The following GRID2 variants were observed in gnomAD, a reference collection of about 807,000 sequenced individuals.
GRID2 encodes the protein glutamate receptor ionotropic, delta-2.
A neutral mutation model predicts 114.8 loss-of-function variants in GRID2; 33 were observed. The ratio of observed to expected loss-of-function variants is 0.29; its 90% CI spans 0.22 to 0.38. The LOEUF (loss-of-function observed/expected upper bound fraction) is 0.38, where lower values mean the gene tolerates loss of function less well. Ranked by LOEUF, GRID2 falls within the 10% of genes least tolerant of loss-of-function variation. The pLI, the probability that GRID2 is intolerant of heterozygous loss-of-function variation, is 1.00. For synonymous variants in GRID2, 505 were observed against 449.9 expected, an observed-to-expected ratio of 1.12 and a Z score of -1.55; for missense variants, 1,184 against 1,257.7, an observed-to-expected ratio of 0.94 and a Z score of 0.89.
intron 4 of GRID2, among the ~76,000 whole-genome samples, chr4:93,198,855 A>G (rs1741783552): frequency 6.6e-6 from 1 of 152,142 alleles, no homozygotes; most frequent in African/African-American, 2.4e-5. Flanking sequence ...ATTGGCTTCA[A>G]GATAGCAAGA....
chr4:93,189,838 C>A (rs964275941), intron 4 of GRID2, among the ~76,000 whole-genome samples: 6 of 142,228 alleles, frequency 4.2e-5, no homozygotes, highest in Non-Finnish European at 6.2e-5. Flanking sequence ...AAAAAAAAAA[C>A]AAACTTCAGA....
At chr4:92,957,528 A>G (rs972617313) in intron 2 of GRID2, among the ~76,000 whole-genome samples, 1 of 152,024 alleles carries the variant, frequency 6.6e-6, no homozygotes, top group Non-Finnish European at 1.5e-5. Flanking sequence ...TCTCTTACCA[A>G]TACCACACTC....
intron 12 of GRID2, among the ~76,000 whole-genome samples, chr4:93,511,378 A>C (rs1040216080): frequency 1.3e-5 from 2 of 152,220 alleles, no homozygotes; most frequent in African/African-American, 4.8e-5. Flanking sequence ...TGTACTGTTC[A>C]TACAAATAAC....
In GRID2 at chr4:92,938,659, A is replaced by G. The variant is rs191607241; in HGVS notation, c.245-146336A>G. 5.5e-3 allele frequency among the ~76,000 whole-genome samples: 809 copies of G among 146,184 alleles called. 24 individuals are homozygous for G. Among genetic ancestry groups the G allele is most frequent in the African/African-American group, 0.019 (771 of 41,148 alleles). On this transcript the variant is annotated intron_variant, in intron 2 of 15. Transcript: ENST00000282020. The stretch of plus-strand genomic sequence containing the variant: ...TACATGTACCATGTTGGCGTGCTGA[A>G]TCCATTAACTCCTCATTTAGCCTTA...
At chr4:93,298,064 G>C (rs1373872931) in intron 8 of GRID2, among the ~76,000 whole-genome samples, 1 of 152,142 alleles carries the variant, frequency 6.6e-6, no homozygotes, top group Non-Finnish European at 1.5e-5. Context: ...TTTAAAAGCA[G>C]TATGTTTAAT....
At chr4:93,233,488 G>T (rs563130792) in intron 7 of GRID2, among the ~76,000 whole-genome samples, 18 of 151,610 alleles carry the variant, frequency 1.2e-4, no homozygotes, top group African/African-American at 2.7e-4. Context: ...GATTACAGGC[G>T]CGCACCACCA....
rs147675096 is a variant in GRID2 at position 92,974,102 on chromosome 4, G to A, written c.245-110893G>A. On this transcript the variant is annotated intron_variant, in intron 2 of 15. Coordinates refer to ENST00000282020, the MANE Select transcript of GRID2 (RefSeq NM_001510.4). The stretch of plus-strand genomic sequence containing the variant: ...TAGGAAAAAATGCTCATCATCACTG[G>A]TCATTGGAGAAATGCAAATCAAAAC... Among the ~76,000 whole-genome samples the A allele has an allele frequency of 2.7e-3, 417 of 152,250 alleles. 1 individual carries two copies. Among genetic ancestry groups the A allele is most frequent in the Non-Finnish European group, 3.8e-3 (259 of 68,020 alleles).
intron 1 of GRID2, among the ~76,000 whole-genome samples, chr4:92,568,139 G>A (rs978418336): frequency 3.3e-5 from 5 of 151,930 alleles, no homozygotes; most frequent in African/African-American, 9.7e-5. Context: ...AAGAGAAGGA[G>A]CATTACAACT....
intron 7 of GRID2, among the ~76,000 whole-genome samples, chr4:93,231,473 A>C (rs556162152): frequency 6.6e-6 from 1 of 152,126 alleles, no homozygotes; most frequent in South Asian, 2.1e-4. Context: ...GGCCAGAAAC[A>C]ACAAAAAGAC....
At chr4:92,670,596 C>T (rs62310172) in intron 2 of GRID2, among the ~76,000 whole-genome samples, 9,253 of 152,000 alleles carry the variant, frequency 0.061, 338 homozygotes, top group East Asian at 0.16. Context: ...TTTCAATTAA[C>T]CTCAGCTATT....
chr4:92,719,171 G>C (rs762366688), intron 2 of GRID2, among the ~76,000 whole-genome samples: 1 of 151,968 alleles, frequency 6.6e-6, no homozygotes, highest in Non-Finnish European at 1.5e-5. Context: ...TATTTTAGTA[G>C]AGACAGGATT....
At chr4:93,074,071 A>T (rs1729051790) in intron 2 of GRID2, among the ~76,000 whole-genome samples, 1 of 152,222 alleles carries the variant, frequency 6.6e-6, no homozygotes, top group Admixed American at 6.5e-5. Flanking sequence ...CACTGAGGAA[A>T]AATCTCTGGC....
chr4:93,498,755 G>T (rs866709802), intron 12 of GRID2, among the ~76,000 whole-genome samples: 2 of 151,738 alleles, frequency 1.3e-5, no homozygotes, highest in Non-Finnish European at 2.9e-5. Context: ...TTCTCATCCA[G>T]ATACCTTTTA....
intron 8 of GRID2, among the ~76,000 whole-genome samples, chr4:93,283,225 C>T (rs935887300): frequency 1.4e-4 from 21 of 152,020 alleles, no homozygotes; most frequent in African/African-American, 4.8e-4. Context: ...GGAAAGGATG[C>T]TATCTTAAAT....
chr4:92,645,557 T>C (rs1731568681), intron 2 of GRID2, among the ~76,000 whole-genome samples: 1 of 151,892 alleles, frequency 6.6e-6, no homozygotes, highest in Non-Finnish European at 1.5e-5. Flanking sequence ...TGAACTGTGA[T>C]ACATCTATGT....
chr4:92,582,105 G>C (rs1365666403), intron 1 of GRID2, among the ~76,000 whole-genome samples: 1 of 152,012 alleles, frequency 6.6e-6, no homozygotes, highest in African/African-American at 2.4e-5. Context: ...TAACGAGCCA[G>C]ATAGTTTCTG....
At chr4:93,195,903 C>T (rs1007324655) in intron 4 of GRID2, among the ~76,000 whole-genome samples, 2 of 152,092 alleles carry the variant, frequency 1.3e-5, no homozygotes, top group South Asian at 2.1e-4. Context: ...TAGCAGATGA[C>T]TTCGAATGTT....
chr4:93,005,204 T>A (rs1217204956), intron 2 of GRID2, among the ~76,000 whole-genome samples: 1 of 152,100 alleles, frequency 6.6e-6, no homozygotes, highest in African/African-American at 2.4e-5. Context: ...TCTCTTAATT[T>A]TTTAAATTTT....
chr4:92,722,312 G>A (rs558157520), intron 2 of GRID2, among the ~76,000 whole-genome samples: 95 of 152,266 alleles, frequency 6.2e-4, no homozygotes, highest in African/African-American at 2.2e-3. Flanking sequence ...AGCTCATACT[G>A]GAACGTGAGG....
Sources: gnomAD v4.1 joint callset for allele counts (sites outside exome capture counted in the v4.1 genomes callset) on GRCh38, gnomAD v4.1.1 for gene constraint, MANE v1.5 for transcripts, NCBI Gene and HGNC (gene_info 2026-07-23, HGNC 2026-07-21) for gene names.